Variants in PALM2AKAP2 observed in about 807,000 individuals in gnomAD.
PALM2AKAP2 encodes the protein PALM2-AKAP2 fusion protein.
In PALM2AKAP2, 37 loss-of-function variants were observed where a neutral mutation model predicts 71.5. The ratio of observed to expected loss-of-function variants is 0.52; its 90% CI spans 0.40 to 0.68. The LOEUF (loss-of-function observed/expected upper bound fraction) is 0.68, where lower values mean the gene tolerates loss of function less well. Among genes scored for constraint, PALM2AKAP2 ranks in the 30% least tolerant of loss-of-function variants. The pLI, the probability that PALM2AKAP2 is intolerant of heterozygous loss-of-function variation, is 0.00. For missense variants in PALM2AKAP2, 1,224 were observed against 1,191.8 expected (o/e 1.03, Z -0.40); for synonymous variants, 468 against 478.8 (o/e 0.98, Z 0.29).
intron 1 of PALM2AKAP2, among the ~76,000 whole-genome samples, chr9:109,667,975 C>T (rs1409668944): frequency 7.6e-5 from 1 of 13,170 alleles, no homozygotes; most frequent in Admixed American, 8.6e-4. Flanking sequence ...CTCGCTCTGT[C>T]GCCCAGGCTG....
intron 3 of PALM2AKAP2, among the ~76,000 whole-genome samples, chr9:109,910,596 G>A (rs544108163): frequency 8.5e-5 from 13 of 152,216 alleles, no homozygotes; most frequent in African/African-American, 1.2e-4. Context: ...TTTTAAAAAC[G>A]AAGAAGTCAA....
chr9:109,791,442 G>A (rs1404154305), intron 1 of PALM2AKAP2, among the ~76,000 whole-genome samples: 5 of 152,310 alleles, frequency 3.3e-5, no homozygotes, highest in African/African-American at 1.2e-4. Context: ...GCAGGAAGCA[G>A]CCTGGCATGG....
chr9:109,918,097 A>T (rs1023488804), intron 3 of PALM2AKAP2, among the ~76,000 whole-genome samples: 4 of 152,126 alleles, frequency 2.6e-5, no homozygotes, highest in African/African-American at 7.2e-5. Flanking sequence ...ATTGTAATTT[A>T]TGTGTTCACA....
intron 1 of PALM2AKAP2, among the ~76,000 whole-genome samples, chr9:109,865,688 T>A (rs1829430742): frequency 6.6e-6 from 1 of 152,206 alleles, no homozygotes; most frequent in Non-Finnish European, 1.5e-5. Flanking sequence ...TTAATATTTG[T>A]GGAAATCTTG....
rs554936596 is a variant in PALM2AKAP2 at position 109,926,974 on chromosome 9, A to G, written c.394+1892A>G. ...TGTAGAGGTGGTAAGAAGCCTAGTC[A>G]TAACTGAAAAGAGCCTGCAGGGAAA... On this transcript the variant is annotated intron_variant, in intron 5 of 9. Coordinates refer to the PALM2AKAP2 transcript ENST00000302798. 2.6e-5 allele frequency among the ~76,000 whole-genome samples: 4 copies of G among 152,318 alleles called. No homozygotes were observed. In the East Asian group the frequency reaches 7.7e-4, roughly 29 times the overall value.
At chr9:110,161,270 G>A (rs1475860384) in intron 3 of PALM2AKAP2, among the ~76,000 whole-genome samples, 3 of 152,094 alleles carry the variant, frequency 2.0e-5, no homozygotes, top group African/African-American at 4.8e-5. Flanking sequence ...ACTAGTCTAT[G>A]GCTATCAATG....
chr9:109,796,607 C>G (rs1260369836), intron 1 of PALM2AKAP2, among the ~76,000 whole-genome samples: 1 of 152,200 alleles, frequency 6.6e-6, no homozygotes, highest in Non-Finnish European at 1.5e-5. Context: ...AATTGATTCA[C>G]AGTTCTGCAT....
At chr9:109,743,377 C>G (rs1420449744) in intron 1 of PALM2AKAP2, among the ~76,000 whole-genome samples, 3 of 152,070 alleles carry the variant, frequency 2.0e-5, no homozygotes, top group Non-Finnish European at 4.4e-5. Context: ...AGCAATACCC[C>G]ACCCGTGCAG....
chr9:110,128,066 G>A (rs998016067), intron 1 of PALM2AKAP2: 23 of 152,244 alleles, frequency 1.5e-4, no homozygotes, highest in African/African-American at 5.6e-4. Flanking sequence ...GGGTTCCCTC[G>A]GTTTGGGGAG....
intron 6 of PALM2AKAP2, among the ~76,000 whole-genome samples, chr9:109,998,735 C>T (rs1299976101): frequency 6.7e-6 from 1 of 148,740 alleles, no homozygotes; most frequent in Non-Finnish European, 1.5e-5. Flanking sequence ...CCGCTGCCGT[C>T]CAGCCTGGGT....
chr9:110,080,264 G>A (rs1439070094), intron 1 of PALM2AKAP2, among the ~76,000 whole-genome samples: 2 of 152,068 alleles, frequency 1.3e-5, no homozygotes, highest in Admixed American at 1.3e-4. Context: ...TTTGAAGACT[G>A]CATCCCAGGA....
At chr9:109,932,086 G>A in intron 6 of PALM2AKAP2, 58 bp downstream of exon 6, 2 of 1,515,972 alleles carry the variant, frequency 1.3e-6, no homozygotes, top group Non-Finnish European at 1.8e-6. Flanking sequence ...ATTTCACTGA[G>A]CTTTATTAAT....
chr9:109,966,472 G>A (rs1831952983), intron 6 of PALM2AKAP2, among the ~76,000 whole-genome samples: 1 of 152,218 alleles, frequency 6.6e-6, no homozygotes, highest in Non-Finnish European at 1.5e-5. Flanking sequence ...GTGACCTTGA[G>A]TGAATGACTT....
At chr9:109,875,604 T>C (rs376199253) in intron 2 of PALM2AKAP2, among the ~76,000 whole-genome samples, 1 of 152,212 alleles carries the variant, frequency 6.6e-6, no homozygotes, top group African/African-American at 2.4e-5. Flanking sequence ...TCATAGGTCC[T>C]CATGCTGTGC....
At chr9:109,994,185 T>C (rs1832532490) in intron 6 of PALM2AKAP2, among the ~76,000 whole-genome samples, 1 of 152,236 alleles carries the variant, frequency 6.6e-6, no homozygotes, top group Non-Finnish European at 1.5e-5. Context: ...AGAGTGATCC[T>C]GTGTCATTTT....
intron 1 of PALM2AKAP2, among the ~76,000 whole-genome samples, chr9:109,735,511 C>T (rs1273517323): frequency 1.3e-5 from 2 of 152,124 alleles, no homozygotes; most frequent in Non-Finnish European, 2.9e-5. Flanking sequence ...TAACTTTAAT[C>T]TTCAATGCTA....
chr9:109,918,388 C>A (rs1830743312), intron 3 of PALM2AKAP2, among the ~76,000 whole-genome samples: 1 of 152,190 alleles, frequency 6.6e-6, no homozygotes, highest in African/African-American at 2.4e-5. Flanking sequence ...GTAAATTAAA[C>A]CTACACAGCT....
At chr9:109,721,354 C>G (rs1230221353) in intron 1 of PALM2AKAP2, among the ~76,000 whole-genome samples, 1 of 152,196 alleles carries the variant, frequency 6.6e-6, no homozygotes, top group Non-Finnish European at 1.5e-5. Context: ...TCTGAGGTGG[C>G]AGATTCTGAG....
At chr9:110,144,857 C>G (rs1836125066) in intron 2 of PALM2AKAP2, among the ~76,000 whole-genome samples, 1 of 152,064 alleles carries the variant, frequency 6.6e-6, no homozygotes. Flanking sequence ...TATTCTTTTT[C>G]AAAGAATTAC....
Sources: gnomAD v4.1 joint callset for allele counts (sites outside exome capture counted in the v4.1 genomes callset) on GRCh38, gnomAD v4.1.1 for gene constraint, MANE v1.5 for transcripts, NCBI Gene and HGNC (gene_info 2026-07-23, HGNC 2026-07-21) for gene names.